HMCN1: variants seen among roughly 807,000 people sequenced by gnomAD.
HMCN1 encodes the protein hemicentin-1.
In HMCN1, 321 loss-of-function variants were observed where a neutral mutation model predicts 625.9. The observed-to-expected ratio is 0.51, with a 90% confidence interval of 0.47 to 0.56. The LOEUF (loss-of-function observed/expected upper bound fraction) is 0.56. Ranked by LOEUF, HMCN1 falls within the 20% of genes least tolerant of loss-of-function variation. The probability of loss-of-function intolerance (pLI) is 0.00; values close to 1 mark genes in which losing one functional copy is unlikely to be tolerated. For synonymous variants in HMCN1, 2,425 were observed against 2,417.6 expected (o/e 1.00, Z -0.09); for missense variants, 6,588 against 6,887.3 (o/e 0.96, Z 1.54).
At chr1:186,181,050 C>A (rs1652897079) in intron 104 of HMCN1, among the ~76,000 whole-genome samples, 1 of 152,174 alleles carries the variant, frequency 6.6e-6, no homozygotes, top group African/African-American at 2.4e-5. Context: ...CATTGCATTG[C>A]TTCTGAATGC....
At chr1:186,081,599 G>A (rs1194376703) in intron 56 of HMCN1, among the ~76,000 whole-genome samples, 1 of 152,014 alleles carries the variant, frequency 6.6e-6, no homozygotes, top group East Asian at 1.9e-4. Context: ...ATAGTTTTGT[G>A]TGGATTTTTC....
At chr1:185,863,829 A>G (rs974705380) in intron 2 of HMCN1, among the ~76,000 whole-genome samples, 4 of 152,216 alleles carry the variant, frequency 2.6e-5, no homozygotes, top group South Asian at 2.1e-4. Context: ...AACAGAATGC[A>G]TTTTATGTCA....
At chr1:186,188,389 A>G (rs1209021319) in intron 106 of HMCN1, among the ~76,000 whole-genome samples, 1 of 152,182 alleles carries the variant, frequency 6.6e-6, no homozygotes, top group Non-Finnish European at 1.5e-5. Flanking sequence ...AGAGCCCACC[A>G]TGAAGCATCT....
At chr1:185,933,253 A>G (rs1471900781) in intron 10 of HMCN1, among the ~76,000 whole-genome samples, 1 of 151,686 alleles carries the variant, frequency 6.6e-6, no homozygotes, top group Non-Finnish European at 1.5e-5. Context: ...TCCTTTCACA[A>G]TCCTCAGTCA....
chr1:185,737,945 G>A (rs1653704371), intron 1 of HMCN1, among the ~76,000 whole-genome samples: 1 of 152,126 alleles, frequency 6.6e-6, no homozygotes, highest in African/African-American at 2.4e-5. Context: ...TTGAAAATGA[G>A]ATAAGACCAT....
intron 6 of HMCN1, among the ~76,000 whole-genome samples, chr1:185,913,194 G>A (rs1177071554): frequency 6.6e-6 from 1 of 152,192 alleles, no homozygotes; most frequent in African/African-American, 2.4e-5. Flanking sequence ...GGGCATAGGT[G>A]AAAAGGCATG....
rs752613366 is a variant in HMCN1, at chr1:185,922,443, G to A, written c.965G>A (p.Gly322Asp). 1.9e-6 allele frequency: 3 copies of A among 1,613,600 alleles called. No individual in the cohort carries two copies. Among genetic ancestry groups the A allele is most frequent in the African/African-American group, 2.7e-5 (2 of 74,828 alleles). ...TGLSTIDFRAGFSRKPTLDFK... is the reference protein window; with the variant it reads ...TGLSTIDFRADFSRKPTLDFK... Reference sequence around the variant, plus strand: ...CTCAGTACTATTGATTTCCGAGCTGGCTTTTCTCGAAAGCCCACCCTGGAC... The same window carrying A: ...CTCAGTACTATTGATTTCCGAGCTGACTTTTCTCGAAAGCCCACCCTGGAC... The change falls in exon 7 of 107, where the codon GGC (glycine) becomes GAC (aspartate). Residue 322 changes from glycine (G) to aspartate (D), a missense_variant. Transcript: ENST00000271588.
chr1:185,981,139 T>G (rs1651604778), intron 17 of HMCN1, 66 bp downstream of exon 17: 4 of 969,870 alleles, frequency 4.1e-6, no homozygotes, highest in South Asian at 1.3e-5. Context: ...TACTATGTCA[T>G]CTCTTGCCTG....
intron 97 of HMCN1, among the ~76,000 whole-genome samples, chr1:186,158,642 C>A (rs1334759593): frequency 1.3e-5 from 2 of 152,080 alleles, no homozygotes; most frequent in African/African-American, 4.8e-5. Context: ...CCAGTTTCAG[C>A]TTTCTACATA....
At chr1:185,866,565 C>A (rs558143017) in intron 4 of HMCN1, among the ~76,000 whole-genome samples, 18 of 151,638 alleles carry the variant, frequency 1.2e-4, no homozygotes, top group Non-Finnish European at 2.7e-4. Context: ...CCACCACGCC[C>A]GGCTAATTTT....
chr1:186,092,660 A>AT (rs1558216811), intron 64 of HMCN1, among the ~76,000 whole-genome samples: 1 of 84,350 alleles, frequency 1.2e-5, no homozygotes, highest in Non-Finnish European at 2.0e-5. Context: ...TTGTAGAAAA[A>AT]AAGTTTGCAA....
rs772168298 is a variant in HMCN1, at chr1:186,130,014, T to G, written c.12953T>G (p.Val4318Gly). 5.6e-5 allele frequency: 90 copies of G among 1,613,104 alleles called. No homozygotes were observed. Among genetic ancestry groups the G allele is most frequent in the Non-Finnish European group, 7.5e-5 (88 of 1,179,436 alleles). The stretch of plus-strand genomic sequence containing the variant: ...CACAGTGAACTTGTTATTGAAAGAG[T>G]GTCAAAAGAGGATTCAGGTACTTAT... ...NGHSELVIER[V>G]SKEDSGTYVC... Residue 4318 changes from valine to glycine, a missense_variant, in exon 84 of 107, where the codon GTG becomes GGG. Coordinates refer to ENST00000271588, the MANE Select transcript of HMCN1 (RefSeq NM_031935.3).
At chr1:185,764,614 A>G (rs1655745411) in intron 1 of HMCN1, among the ~76,000 whole-genome samples, 1 of 152,136 alleles carries the variant, frequency 6.6e-6, no homozygotes, top group African/African-American at 2.4e-5. Context: ...ATATAAATGT[A>G]TACTTACTGG....
chr1:186,086,712 G>A (rs779166512), intron 58 of HMCN1, among the ~76,000 whole-genome samples: 16 of 152,004 alleles, frequency 1.1e-4, no homozygotes, highest in Non-Finnish European at 1.6e-4. Context: ...GGATACATCT[G>A]CTGGTTGTTT....
chr1:186,072,959 G>A (rs1658565586), intron 52 of HMCN1, among the ~76,000 whole-genome samples: 1 of 152,158 alleles, frequency 6.6e-6, no homozygotes, highest in Non-Finnish European at 1.5e-5. Flanking sequence ...ATAAAGAAAA[G>A]GTCCAGCTAT....
intron 11 of HMCN1, among the ~76,000 whole-genome samples, chr1:185,950,628 G>T (rs1192441149): frequency 6.6e-6 from 1 of 151,874 alleles, no homozygotes; most frequent in South Asian, 2.1e-4. Context: ...AGAAATTTGG[G>T]CTTGAGTGAA....
chr1:186,061,250 A>G (rs1013037131), intron 46 of HMCN1, among the ~76,000 whole-genome samples: 1 of 152,146 alleles, frequency 6.6e-6, no homozygotes, highest in African/African-American at 2.4e-5. Context: ...AGGCCTCAGG[A>G]AACTTAAAAT....
chr1:185,778,049 T>C lies in HMCN1; in HGVS notation c.268+43002T>C, dbSNP rs528816392. On this transcript the variant is annotated intron_variant, in intron 1 of 106. Coordinates refer to ENST00000271588, the MANE Select transcript of HMCN1 (RefSeq NM_031935.3). ...AATGGGCTAGGGTTTCCTCCCCTAA[T>C]TGGGGAACTTTCTTACTCCCTTGAG... Among the ~76,000 whole-genome samples the C allele has an allele frequency of 1.2e-4, 18 of 152,326 alleles. 1 individual carries two copies. In the South Asian group the frequency reaches 3.3e-3, roughly 28 times the overall value.
chr1:186,018,749 G>C (rs1286572161), intron 34 of HMCN1, among the ~76,000 whole-genome samples: 1 of 152,024 alleles, frequency 6.6e-6, no homozygotes, highest in Non-Finnish European at 1.5e-5. Flanking sequence ...CAAAACAAGA[G>C]GGATGGTGAA....
Sources: allele counts gnomAD v4.1 joint callset (sites outside exome capture counted in the v4.1 genomes callset), GRCh38; gene constraint gnomAD v4.1.1; transcripts MANE v1.5; gene names NCBI Gene and HGNC (gene_info 2026-07-23, HGNC 2026-07-21).